FAM193A: variants seen among roughly 807,000 people sequenced by gnomAD.
FAM193A encodes family with sequence similarity 193 member A, also known as protein FAM193A.
FAM193A carries 22 observed loss-of-function variants against 126.5 expected under a neutral mutation model. The ratio of observed to expected loss-of-function variants is 0.17; its 90% CI spans 0.12 to 0.25. The LOEUF (loss-of-function observed/expected upper bound fraction) is 0.25. Among genes scored for constraint, FAM193A ranks in the 10% least tolerant of loss-of-function variants. The pLI is 1.00. For missense variants in FAM193A, 1,675 were observed against 1,672.8 expected, an observed-to-expected ratio of 1.00 and a Z score of -0.02; for synonymous variants, 761 against 646.8, an observed-to-expected ratio of 1.18 and a Z score of -2.68.
At chr4:2,632,676 G>A (rs1467522141) in intron 5 of FAM193A, among the ~76,000 whole-genome samples, 1 of 149,698 alleles carries the variant, frequency 6.7e-6, no homozygotes, top group African/African-American at 2.5e-5. Flanking sequence ...AGGTGAATGG[G>A]TAGGGTGAGG....
chr4:2,711,130 G>C (rs939010686), intron 19 of FAM193A, among the ~76,000 whole-genome samples: 4 of 152,168 alleles, frequency 2.6e-5, no homozygotes, highest in Non-Finnish European at 5.9e-5. Flanking sequence ...GGGATTACAG[G>C]CGTGAGCCAC....
At chr4:2,608,524 T>C (rs1333768520) in intron 2 of FAM193A, among the ~76,000 whole-genome samples, 1 of 152,100 alleles carries the variant, frequency 6.6e-6, no homozygotes, top group Non-Finnish European at 1.5e-5. Flanking sequence ...AATATGATAA[T>C]GAGCCAGGGG....
In FAM193A at chr4:2,696,559, G is replaced by C; in HGVS notation, c.3473G>C (p.Arg1158Pro). The change falls in exon 18 of 21, where the codon CGT becomes CCT. Residue 1158 changes from arginine (R) to proline (P), a missense_variant. Arg to Pro is a moderately radical substitution (Grantham distance 103, BLOSUM62 -2). Transcript: ENST00000637812. ...SSETKPVSST[R>P]AAKRARHKQR... Reference sequence around the variant, plus strand: ...GAAACCAAACCAGTGAGCAGCACGCGTGCAGCGAAGCGAGCAAGGCATAAG... The same window carrying C: ...GAAACCAAACCAGTGAGCAGCACGCCTGCAGCGAAGCGAGCAAGGCATAAG... The C allele has an allele frequency of 6.2e-7, 1 of 1,614,216 alleles. No individual in the cohort carries two copies. The highest frequency in any genetic ancestry group is 2.2e-5 in the East Asian group (1 of 44,880).
At chr4:2,571,897 G>T (rs1302588277) in intron 1 of FAM193A, among the ~76,000 whole-genome samples, 1 of 150,426 alleles carries the variant, frequency 6.6e-6, no homozygotes, top group Non-Finnish European at 1.5e-5. Context: ...CAGGCGCTGT[G>T]GCTCACGCCT....
intron 20 of FAM193A, among the ~76,000 whole-genome samples, chr4:2,722,583 A>G (rs1720281158): frequency 1.3e-5 from 2 of 152,188 alleles, no homozygotes; most frequent in South Asian, 4.1e-4. Flanking sequence ...TAACATCACA[A>G]ACTCAGGGCT....
At chr4:2,689,779 G>T (rs1392103409) in intron 14 of FAM193A, 75 bp downstream of exon 14, 21 of 1,110,454 alleles carry the variant, frequency 1.9e-5, no homozygotes, top group Non-Finnish European at 2.4e-5. Context: ...GTAGTCTCCC[G>T]TGGAAGCCCT....
At chr4:2,584,965 A>C (rs1740153952) in intron 1 of FAM193A, among the ~76,000 whole-genome samples, 1 of 152,148 alleles carries the variant, frequency 6.6e-6, no homozygotes, top group African/African-American at 2.4e-5. Context: ...AAACATCCCA[A>C]CACTATAGTT....
At chr4:2,577,968 A>T (rs898423438) in intron 1 of FAM193A, among the ~76,000 whole-genome samples, 1 of 152,208 alleles carries the variant, frequency 6.6e-6, no homozygotes, top group Non-Finnish European at 1.5e-5. Context: ...ATTAGCACGT[A>T]TTATGTACTG....
At chr4:2,550,770 T>TA in intron 1 of FAM193A, among the ~76,000 whole-genome samples, 1 of 137,550 alleles carries the variant, frequency 7.3e-6, no homozygotes, top group South Asian at 2.2e-4. Flanking sequence ...TCAATTTATA[T>TA]TTTTATTTAT....
At chr4:2,545,669 G>A (rs1326594559) in intron 1 of FAM193A, among the ~76,000 whole-genome samples, 1 of 152,070 alleles carries the variant, frequency 6.6e-6, no homozygotes. Flanking sequence ...TTAACATGTA[G>A]CAAAATTGAT....
chr4:2,662,044 G>A (rs937816691), intron 10 of FAM193A, among the ~76,000 whole-genome samples: 2 of 152,084 alleles, frequency 1.3e-5, no homozygotes, highest in Non-Finnish European at 2.9e-5. Flanking sequence ...TCAGCCGGGC[G>A]TGGTGGCGGG....
chr4:2,551,904 G>A (rs956446239), intron 1 of FAM193A, among the ~76,000 whole-genome samples: 2 of 151,184 alleles, frequency 1.3e-5, no homozygotes, highest in Non-Finnish European at 1.5e-5. Context: ...GCTGTGGCTT[G>A]ATCATAGCTC....
intron 20 of FAM193A, among the ~76,000 whole-genome samples, chr4:2,718,476 C>T (rs940455079): frequency 2.6e-5 from 4 of 152,032 alleles, no homozygotes; most frequent in Admixed American, 2.0e-4. Flanking sequence ...CCTGTAGTCC[C>T]AGCACTTCGG....
intron 1 of FAM193A, among the ~76,000 whole-genome samples, chr4:2,540,091 CT>C (rs1268799731): frequency 6.7e-6 from 1 of 149,974 alleles, no homozygotes; most frequent in Non-Finnish European, 1.5e-5. Flanking sequence ...GCACTACTGC[CT>C]GGGCAACAAG....
chr4:2,627,178 T>TC (rs66997520), intron 4 of FAM193A, among the ~76,000 whole-genome samples: 2 of 150,356 alleles, frequency 1.3e-5, no homozygotes, highest in Non-Finnish European at 3.0e-5. Flanking sequence ...TTTTTTTTTT[T>TC]GAGATGGAGT....
intron 18 of FAM193A, among the ~76,000 whole-genome samples, chr4:2,697,227 A>T (rs1220022380): frequency 1.3e-5 from 2 of 152,170 alleles, no homozygotes; most frequent in African/African-American, 4.8e-5. Flanking sequence ...ATGGTGGTGT[A>T]CGCCTGTAGT....
At chr4:2,657,270 T>C (rs1711820874) in intron 7 of FAM193A, among the ~76,000 whole-genome samples, 1 of 152,220 alleles carries the variant, frequency 6.6e-6, no homozygotes, top group African/African-American at 2.4e-5. Context: ...TGACAGAAGC[T>C]TACAGAACCG....
At chr4:2,726,120 C>T (rs1201747204) in intron 20 of FAM193A, among the ~76,000 whole-genome samples, 12 of 151,986 alleles carry the variant, frequency 7.9e-5, no homozygotes, top group African/African-American at 2.4e-4. Context: ...AGGATGGTCT[C>T]GATCTCCCGA....
chr4:2,636,989 C>G (rs1744147993), intron 5 of FAM193A, among the ~76,000 whole-genome samples: 1 of 152,144 alleles, frequency 6.6e-6, no homozygotes. Flanking sequence ...GGGGATCAAA[C>G]AGGATAATGA....
Sources: gnomAD v4.1 joint callset for allele counts (sites outside exome capture counted in the v4.1 genomes callset) on GRCh38, gnomAD v4.1.1 for gene constraint, MANE v1.5 for transcripts, NCBI Gene and HGNC (gene_info 2026-07-23, HGNC 2026-07-21) for gene names.